SLC30A7: variants seen among roughly 807,000 people sequenced by gnomAD.
The protein encoded by SLC30A7 is solute carrier family 30 member 7.
A neutral mutation model predicts 46.0 loss-of-function variants in SLC30A7; 35 were observed. That is an observed-to-expected ratio of 0.76 (90% CI 0.58 to 1.01). SLC30A7 has a LOEUF of 1.01. Ranked by LOEUF, SLC30A7 falls within the 50% of genes least tolerant of loss-of-function variation. The pLI is 0.00. For missense variants in SLC30A7, 464 were observed against 451.1 expected, an observed-to-expected ratio of 1.03 and a Z score of -0.26; for synonymous variants, 147 against 157.8, an observed-to-expected ratio of 0.93 and a Z score of 0.51.
intron 8 of SLC30A7, among the ~76,000 whole-genome samples, chr1:100,929,302 G>C (rs1653523462): frequency 6.6e-6 from 1 of 151,996 alleles, no homozygotes; most frequent in Non-Finnish European, 1.5e-5. Context: ...CAGTTAAAAA[G>C]TAGCTCCAAA....
At chr1:100,930,341 T>C (rs1223501498) in intron 8 of SLC30A7, among the ~76,000 whole-genome samples, 2 of 151,998 alleles carry the variant, frequency 1.3e-5, no homozygotes, top group Non-Finnish European at 2.9e-5. Flanking sequence ...AGGAAACAAA[T>C]TTTTAGAGGC....
chr1:100,978,065 T>A lies in SLC30A7; in HGVS notation c.*3208T>A, dbSNP rs12753427. On this transcript the variant is annotated 3_prime_UTR_variant, in exon 11 of 11. Coordinates refer to ENST00000357650, the MANE Select transcript of SLC30A7 (RefSeq NM_133496.5). ...CACCGTGCTCAGCCACTAGCTTTGG[T>A]TTTTTAAACATAGATTATATTCCTC... 1 of 152,162 alleles carries A rather than the reference T, an allele frequency of 6.6e-6. No homozygotes were observed. The highest frequency in any genetic ancestry group is 1.9e-4 in the East Asian group (1 of 5,184). 9.4% of individuals were successfully genotyped at this position (152,162 alleles called of 1,614,324 possible).
intron 2 of SLC30A7, among the ~76,000 whole-genome samples, chr1:100,904,426 A>T (rs531429825): frequency 1.4e-4 from 22 of 152,084 alleles, no homozygotes; most frequent in African/African-American, 3.6e-4. Flanking sequence ...TTTTTTGTCC[A>T]CTTTTTCCAT....
intron 7 of SLC30A7, 86 bp from the exon 8 acceptor site, chr1:100,921,620 T>C (rs1652937249): frequency 2.9e-6 from 3 of 1,045,350 alleles, no homozygotes; most frequent in Non-Finnish European, 2.7e-6. Context: ...TTTTTATATA[T>C]AAAATTAAGA....
rs1053614214 is a variant in SLC30A7 at position 100,976,845 on chromosome 1, A to G, written c.*1988A>G. ...ACTCTATCAATAGTCTCTTTTCCGC[A>G]GGCAAAGTGGCATTTTCTAAACATG... On this transcript the variant is annotated 3_prime_UTR_variant, in exon 11 of 11. Coordinates refer to ENST00000357650, the MANE Select transcript of SLC30A7 (RefSeq NM_133496.5). 5 of 152,594 alleles carry G rather than the reference A, an allele frequency of 3.3e-5. No individual in the cohort carries two copies. The highest frequency in any genetic ancestry group is 1.2e-4 in the African/African-American group (5 of 41,434). 9.5% of individuals were successfully genotyped at this position (152,594 alleles called of 1,614,324 possible). A position where few individuals can be genotyped will look rare whatever the true frequency, so the allele number is the denominator to read the frequency against.
chr1:100,939,202 A>G (rs1654184936), intron 8 of SLC30A7, among the ~76,000 whole-genome samples: 1 of 152,196 alleles, frequency 6.6e-6, no homozygotes, highest in Non-Finnish European at 1.5e-5. Flanking sequence ...GTAACATTAA[A>G]CAAGAGAAAG....
chr1:100,934,183 G>A (rs1394606709), intron 8 of SLC30A7, among the ~76,000 whole-genome samples: 1 of 152,198 alleles, frequency 6.6e-6, no homozygotes, highest in African/African-American at 2.4e-5. Flanking sequence ...GTTTTCTCAA[G>A]TGTGGATTTT....
the SLC30A7 span, among the ~76,000 whole-genome samples, chr1:100,987,171 C>T: frequency 6.6e-6 from 1 of 152,126 alleles, no homozygotes; most frequent in African/African-American, 2.4e-5. Flanking sequence ...TTCTTTTATC[C>T]TTGGTTTTCA....
intron 6 of SLC30A7, 51 bp from the exon 7 acceptor site, chr1:100,918,026 A>AC: frequency 6.7e-7 from 1 of 1,488,262 alleles, no homozygotes; most frequent in Non-Finnish European, 9.3e-7. Flanking sequence ...AATTGTAAAA[A>AC]CTTGAATGAG....
chr1:100,945,956 T>G (rs142769239), intron 8 of SLC30A7, among the ~76,000 whole-genome samples: 1 of 152,270 alleles, frequency 6.6e-6, no homozygotes, highest in African/African-American at 2.4e-5. Context: ...GTCCTCTTAT[T>G]TCATTGAGCA....
At position 100,978,454 on chromosome 1, in the gene SLC30A7, A is replaced by T. The variant is rs1244223792; in HGVS notation, c.*3597A>T. 3.3e-5 allele frequency: 5 copies of T among 152,218 alleles called. No individual in the cohort carries two copies. Among genetic ancestry groups the T allele is most frequent in the African/African-American group, 1.2e-4 (5 of 41,450 alleles). The allele number at this position is 152,218 out of a possible 1,614,324, so 9.4% of individuals were successfully genotyped here. A position where few individuals can be genotyped will look rare whatever the true frequency, so the allele number is the denominator to read the frequency against. ...ACCATATTTACATTGCTTAACACAG[A>T]ATTTTACATCTAAGCAAGGACTGGC... is the stretch of plus-strand genomic sequence containing the variant. On this transcript the variant is annotated 3_prime_UTR_variant, in exon 11 of 11. Coordinates refer to ENST00000357650, the MANE Select transcript of SLC30A7 (RefSeq NM_133496.5).
intron 8 of SLC30A7, among the ~76,000 whole-genome samples, chr1:100,923,287 A>T (rs1180300828): frequency 9.2e-5 from 14 of 151,518 alleles, no homozygotes; most frequent in East Asian, 1.9e-4. Context: ...AAGTGCTGGG[A>T]TTACAGGCGT....
chr1:100,896,457 A>G, intron 1 of SLC30A7, 113 bp from the exon 2 acceptor site: 1 of 1,428,728 alleles, frequency 7.0e-7, no homozygotes, highest in Non-Finnish European at 9.9e-7. Flanking sequence ...GTCAACCCCT[A>G]GCTGTGAAGA....
rs140829028 is a variant in SLC30A7 at position 100,961,871 on chromosome 1, A to G, written c.886A>G (p.Arg296Gly). 2 of 1,608,790 alleles carry G rather than the reference A, an allele frequency of 1.2e-6. No homozygotes were observed. The highest frequency in any genetic ancestry group is 1.7e-6 in the Non-Finnish European group (2 of 1,176,688). Residue 296 changes from arginine (R) to glycine (G), a missense_variant, in exon 9 of 11, where the codon AGA becomes GGA. By Grantham distance (125) the Arg-to-Gly change is moderately radical. Coordinates refer to ENST00000357650, the MANE Select transcript of SLC30A7 (RefSeq NM_133496.5). The part of the protein sequence containing the change: ...LRESVGILMQ[R>G]TPPLLENSLP... ...AGAATCTGTTGGAATATTAATGCAG[A>G]GAACTCCTCCCCTATTAGAAAATAG...
At chr1:100,970,635 G>A (rs1656104610) in intron 10 of SLC30A7, among the ~76,000 whole-genome samples, 1 of 148,184 alleles carries the variant, frequency 6.7e-6, no homozygotes, top group Non-Finnish European at 1.5e-5. Context: ...GTTATCATTT[G>A]GGAATTGATA....
intron 8 of SLC30A7, among the ~76,000 whole-genome samples, chr1:100,922,608 C>G (rs984749936): frequency 6.6e-6 from 1 of 152,246 alleles, no homozygotes; most frequent in East Asian, 1.9e-4. Flanking sequence ...TCCGTCTTCC[C>G]ATCTGGCTTA....
chr1:100,904,061 A>T (rs1280711119), intron 2 of SLC30A7, among the ~76,000 whole-genome samples: 3 of 152,110 alleles, frequency 2.0e-5, no homozygotes, highest in Non-Finnish European at 4.4e-5. Context: ...CTCAATTATT[A>T]TAACAATTAT....
At chr1:100,944,649 T>C (rs1451059841) in intron 8 of SLC30A7, among the ~76,000 whole-genome samples, 10 of 98,106 alleles carry the variant, frequency 1.0e-4, no homozygotes, top group African/African-American at 2.8e-4. Context: ...ATGCTATCCC[T>C]CCCCCCACCC....
chr1:100,924,092 T>A (rs1307242648), intron 8 of SLC30A7, among the ~76,000 whole-genome samples: 1 of 152,200 alleles, frequency 6.6e-6, no homozygotes, highest in East Asian at 1.9e-4. Context: ...CCTTTCTGTC[T>A]CCCTCTAAAC....
Sources: allele counts gnomAD v4.1 joint callset (sites outside exome capture counted in the v4.1 genomes callset), GRCh38; gene constraint gnomAD v4.1.1; transcripts MANE v1.5; gene names NCBI Gene and HGNC (gene_info 2026-07-23, HGNC 2026-07-21).